GLDC: variants seen among roughly 807,000 people sequenced by gnomAD.
GLDC encodes the protein glycine dehydrogenase (decarboxylating), mitochondrial.
GLDC carries 104 observed loss-of-function variants against 121.3 expected under a neutral mutation model. That is an observed-to-expected ratio of 0.86 (90% CI 0.73 to 1.01). The LOEUF is 1.01. Among genes scored for constraint, GLDC ranks in the 50% least tolerant of loss-of-function variants. GLDC has a pLI of 0.00. For synonymous variants in GLDC, 546 were observed against 480.6 expected (o/e 1.14, Z -1.78); for missense variants, 1,429 against 1,306.6 (o/e 1.09, Z -1.44).
At chr9:6,605,630 G>A (rs1189361889) in intron 5 of GLDC, among the ~76,000 whole-genome samples, 1 of 152,142 alleles carries the variant, frequency 6.6e-6, no homozygotes, top group African/African-American at 2.4e-5. Context: ...ACTCTTAAGT[G>A]AATGGAAAAC....
chr9:6,540,196 T>C (rs1303720696), intron 21 of GLDC, 50 bp from the exon 22 acceptor site: 1 of 1,127,186 alleles, frequency 8.9e-7, no homozygotes, highest in Admixed American at 1.7e-5. Context: ...CTTATTGTTT[T>C]ACCCAAACAA....
In GLDC at chr9:6,558,475, C is replaced by T. The variant is rs988798993; in HGVS notation, c.2052+84G>A. The T allele has an allele frequency of 2.4e-5, 35 of 1,458,574 alleles. No homozygotes were observed. The African/African-American group carries it at 3.9e-4, about 16-fold the overall frequency. 90.4% of individuals were successfully genotyped at this position (1,458,574 alleles called of 1,614,324 possible). A position where few individuals can be genotyped will look rare whatever the true frequency, so the allele number is the denominator to read the frequency against. On this transcript the variant is annotated intron_variant, in intron 17 of 24. Coordinates refer to ENST00000321612, the MANE Select transcript of GLDC (RefSeq NM_000170.3). ...CTTTTCATTAGAATGCAAGAGAAGA[C>T]ATTTACATAATCCATCAAGTCCCTG...
chr9:6,622,441 C>A (rs1658946), intron 2 of GLDC, among the ~76,000 whole-genome samples: 134 of 144,648 alleles, frequency 9.3e-4, no homozygotes, highest in African/African-American at 2.5e-3. Flanking sequence ...ACGGGGTTTC[C>A]CTGTGTTGGC....
Position 6,614,409 on chromosome 9 carries a change from A to G in GLDC, c.471-4053T>C, listed in dbSNP as rs192805084. The stretch of plus-strand genomic sequence containing the variant: ...ACCACCACGCCCAGCTAATTTTTAT[A>G]TTTTTTTGTAGGGATGGAGTTTCAC... On this transcript the variant is annotated intron_variant, in intron 3 of 24. Coordinates refer to ENST00000321612, the MANE Select transcript of GLDC (RefSeq NM_000170.3). Among the ~76,000 whole-genome samples the G allele has an allele frequency of 3.6e-3, 537 of 148,396 alleles. 5 individuals are homozygous for G. Among genetic ancestry groups the G allele is most frequent in the African/African-American group, 0.013 (521 of 40,328 alleles).
At chr9:6,600,375 A>C (rs1249270754) in intron 8 of GLDC, among the ~76,000 whole-genome samples, 1 of 150,182 alleles carries the variant, frequency 6.7e-6, no homozygotes, top group African/African-American at 2.5e-5. Flanking sequence ...AATCTGTCTC[A>C]AGAAAAAAAA....
At chr9:6,574,014 A>G (rs1235488112) in intron 15 of GLDC, among the ~76,000 whole-genome samples, 1 of 152,204 alleles carries the variant, frequency 6.6e-6, no homozygotes, top group East Asian at 1.9e-4. Context: ...AAAACCCCTC[A>G]ACACAACACT....
At chr9:6,536,953 G>A (rs12346479) in intron 22 of GLDC, among the ~76,000 whole-genome samples, 10,050 of 151,972 alleles carry the variant, frequency 0.066, 1,033 homozygotes, top group African/African-American at 0.23. Context: ...GTGCAACAAG[G>A]TATGTAGTCA....
chr9:6,601,688 A>G (rs1234317720), intron 8 of GLDC, among the ~76,000 whole-genome samples: 1 of 152,040 alleles, frequency 6.6e-6, no homozygotes, highest in Admixed American at 6.5e-5. Flanking sequence ...GCAGTGGCAT[A>G]ATCATGGCTC....
chr9:6,610,047 G>C (rs1270283767), intron 4 of GLDC, 145 bp downstream of exon 4: 3 of 677,302 alleles, frequency 4.4e-6, no homozygotes, highest in Non-Finnish European at 5.1e-6. Flanking sequence ...CTAGGTTTTT[G>C]AACCTGTTGA....
chr9:6,616,606 A>T (rs1393484087), intron 3 of GLDC, among the ~76,000 whole-genome samples: 1 of 152,190 alleles, frequency 6.6e-6, no homozygotes, highest in Non-Finnish European at 1.5e-5. Flanking sequence ...CAAGAGTTTG[A>T]CTCAATTAGG....
chr9:6,616,935 A>G (rs1818977220), intron 3 of GLDC, among the ~76,000 whole-genome samples: 1 of 152,236 alleles, frequency 6.6e-6, no homozygotes, highest in Non-Finnish European at 1.5e-5. Flanking sequence ...TATACCAAAC[A>G]GAAATAGCTA....
chr9:6,549,060 G>C (rs1269694855), intron 21 of GLDC, among the ~76,000 whole-genome samples: 1 of 152,014 alleles, frequency 6.6e-6, no homozygotes, highest in African/African-American at 2.4e-5. Flanking sequence ...TACTTTCAAA[G>C]GCTACCAAAG....
Position 6,532,921 on chromosome 9 carries a change from C to T in GLDC, c.*96G>A. 2.3e-6 allele frequency: 2 copies of T among 870,450 alleles called. No homozygotes were observed. Among genetic ancestry groups the T allele is most frequent in the South Asian group, 1.3e-5 (1 of 75,546 alleles). The allele number at this position is 870,450 out of a possible 1,614,324, so 53.9% of individuals were successfully genotyped here. A position where few individuals can be genotyped will look rare whatever the true frequency, so the allele number is the denominator to read the frequency against. ...GAGATATACACAGTATATAAAACTC[C>T]TACTTGAGGCTGGGGTGGGAGATGA... On this transcript the variant is annotated 3_prime_UTR_variant, in exon 25 of 25. Transcript: ENST00000321612.
intron 20 of GLDC, 52 bp downstream of exon 20, chr9:6,553,316 A>G (rs1056681781): frequency 1.9e-6 from 3 of 1,563,318 alleles, no homozygotes; most frequent in Non-Finnish European, 2.6e-6. Context: ...GTCCCCATGC[A>G]TGCCTGACGC....
intron 15 of GLDC, chr9:6,567,193 C>T (rs779551134): frequency 6.6e-6 from 1 of 152,160 alleles, no homozygotes; most frequent in Non-Finnish European, 1.5e-5. Flanking sequence ...CTGAGTCACC[C>T]CGTTCCTCGT....
intron 15 of GLDC, 106 bp downstream of exon 15, chr9:6,587,035 A>T (rs1818284937): frequency 3.3e-6 from 3 of 911,282 alleles, no homozygotes; most frequent in Admixed American, 3.6e-5. Flanking sequence ...CTGTCTAGCA[A>T]GTCACAGAAT....
intron 21 of GLDC, among the ~76,000 whole-genome samples, chr9:6,543,132 C>G (rs1029921421): frequency 6.6e-6 from 1 of 151,378 alleles, no homozygotes; most frequent in African/African-American, 2.4e-5. Context: ...AAAAATTAGC[C>G]AGGTGTGTGG....
At chr9:6,546,994 G>A (rs1817407660) in intron 21 of GLDC, among the ~76,000 whole-genome samples, 1 of 151,668 alleles carries the variant, frequency 6.6e-6, no homozygotes, top group Admixed American at 6.6e-5. Flanking sequence ...ATAATGATAA[G>A]AAGCATTATG....
chr9:6,595,205 G>T, intron 8 of GLDC, 86 bp from the exon 9 acceptor site: 2 of 886,018 alleles, frequency 2.3e-6, no homozygotes, highest in Non-Finnish European at 1.9e-6. Flanking sequence ...TGTCAAAACT[G>T]AAGACAGCGA....
Sources: gnomAD v4.1 joint callset for allele counts (sites outside exome capture counted in the v4.1 genomes callset) on GRCh38, gnomAD v4.1.1 for gene constraint, MANE v1.5 for transcripts, NCBI Gene and HGNC (gene_info 2026-07-23, HGNC 2026-07-21) for gene names.